Variants in CAPN2 observed in about 807,000 individuals in gnomAD.
CAPN2 encodes the protein calpain-2 catalytic subunit.
A neutral mutation model predicts 102.3 loss-of-function variants in CAPN2; 92 were observed. That is an observed-to-expected ratio of 0.90 (90% CI 0.76 to 1.07). CAPN2 has a LOEUF of 1.07. Among genes scored for constraint, CAPN2 ranks in the 50% least tolerant of loss-of-function variants. The pLI is 0.00. For synonymous variants in CAPN2, 340 were observed against 355.4 expected, an observed-to-expected ratio of 0.96 and a Z score of 0.49; for missense variants, 800 against 909.4, an observed-to-expected ratio of 0.88 and a Z score of 1.55.
chr1:223,709,429 G>A (rs1167146142), upstream of CAPN2, among the ~76,000 whole-genome samples: 1 of 152,180 alleles, frequency 6.6e-6, no homozygotes, highest in Non-Finnish European at 1.5e-5. Context: ...GGGAGGCAGA[G>A]GTGGGCAGAT....
intron 3 of CAPN2, 140 bp downstream of exon 3, chr1:223,744,358 G>A (rs550470355): frequency 8.7e-5 from 56 of 643,298 alleles, no homozygotes; most frequent in Middle Eastern, 4.2e-4. Context: ...CATTGGGCGA[G>A]AGCAGGAAGC....
chr1:223,722,144 G>A (rs1660065104), intron 2 of CAPN2, among the ~76,000 whole-genome samples: 3 of 152,092 alleles, frequency 2.0e-5, no homozygotes, highest in African/African-American at 7.2e-5. Flanking sequence ...CACACAGATT[G>A]AAACTCAGAA....
At chr1:223,762,818 C>A (rs7552702) in intron 14 of CAPN2, among the ~76,000 whole-genome samples, 1 of 152,054 alleles carries the variant, frequency 6.6e-6, no homozygotes, top group East Asian at 1.9e-4. Flanking sequence ...GTAGCTGGGA[C>A]TATAGGTGCA....
chr1:223,715,298 T>TA (rs1343201728), intron 1 of CAPN2, among the ~76,000 whole-genome samples: 1 of 152,116 alleles, frequency 6.6e-6, no homozygotes, highest in Admixed American at 6.5e-5. Context: ...ATGATCAACT[T>TA]ATTTAAGAAG....
At chr1:223,737,709 G>GT (rs1350800322) in intron 2 of CAPN2, among the ~76,000 whole-genome samples, 2 of 30,568 alleles carry the variant, frequency 6.5e-5, no homozygotes, top group Non-Finnish European at 2.0e-4. Context: ...AGACGGGGCG[G>GT]GGGGTGGGGG....
chr1:223,760,627 TAGG>T (rs1661160460), intron 12 of CAPN2, among the ~76,000 whole-genome samples: 1 of 151,986 alleles, frequency 6.6e-6, no homozygotes, highest in African/African-American at 2.4e-5. Flanking sequence ...GACAAGAAAA[TAGG>T]AGCATGACCT....
chr1:223,776,009 T>A lies in CAPN2; in HGVS notation c.*1152T>A, dbSNP rs999020463. 5 of 152,202 alleles carry A rather than the reference T, an allele frequency of 3.3e-5. No homozygotes were observed. Among genetic ancestry groups the A allele is most frequent in the African/African-American group, 7.2e-5 (3 of 41,442 alleles). The allele number at this position is 152,202 out of a possible 1,614,324, so 9.4% of individuals were successfully genotyped here. On this transcript the variant is annotated 3_prime_UTR_variant, in exon 21 of 21. Coordinates refer to ENST00000295006, the MANE Select transcript of CAPN2 (RefSeq NM_001748.5). This position sits in a 1 kb window ranked among gnomAD's most constrained non-coding sequence, Gnocchi z 4.0. ...TAAAATGTGGAACTATAAAATTTTT[T>A]AAAATCCAATTCAGAAACTTTGATA...
rs551003565 is a variant in CAPN2 at position 223,737,082 on chromosome 1, A to C, written c.308-7018A>C. On this transcript the variant is annotated intron_variant, in intron 2 of 20. Coordinates refer to ENST00000295006, the MANE Select transcript of CAPN2 (RefSeq NM_001748.5). ...GAATAAAGAAATTAAGACCAGATGT[A>C]GGGGAGATTTGTGGAGGAAGGGACA... Among the ~76,000 whole-genome samples, 8 of 152,268 alleles carry C rather than the reference A, an allele frequency of 5.3e-5. No individual in the cohort carries two copies. The South Asian group carries it at 1.7e-3, about 32-fold the overall frequency.
Position 223,764,156 on chromosome 1 carries a change from G to C in CAPN2, c.1639G>C (p.Glu547Gln). 3.7e-6 allele frequency: 6 copies of C among 1,613,902 alleles called. No homozygotes were observed. The highest frequency in any genetic ancestry group is 5.1e-6 in the Non-Finnish European group (6 of 1,179,828). ...TCTGGTTATGTGTCCACAGGATGCG[G>C]AGATCTCTGCCTTTGAGCTGCAGAC... ...LFAQLAGEDA[E>Q]ISAFELQTIL... The change falls in exon 15 of 21, where the codon GAG (glutamate) becomes CAG (glutamine). Residue 547 changes from glutamate (E) to glutamine (Q), a missense_variant. Transcript: ENST00000295006.
chr1:223,718,177 A>G (rs1350393799), intron 2 of CAPN2, among the ~76,000 whole-genome samples: 1 of 152,252 alleles, frequency 6.6e-6, no homozygotes, highest in Non-Finnish European at 1.5e-5. Context: ...CACTCTGGGC[A>G]GAGGACTAGG....
intron 1 of CAPN2, among the ~76,000 whole-genome samples, chr1:223,714,388 G>A (rs1402125243): frequency 6.6e-6 from 1 of 152,086 alleles, no homozygotes; most frequent in African/African-American, 2.4e-5. Flanking sequence ...ACTGTCCTGA[G>A]AGCTCAGGAG....
chr1:223,746,168 AGGAGGAG>A (rs1011330772), intron 4 of CAPN2, among the ~76,000 whole-genome samples: 1 of 152,194 alleles, frequency 6.6e-6, no homozygotes, highest in African/African-American at 2.4e-5. Context: ...CAATCCAGGA[AGGAGGAG>A]TCAGCTGTGA....
intron 1 of CAPN2, among the ~76,000 whole-genome samples, chr1:223,714,731 C>T (rs1226379219): frequency 1.3e-5 from 2 of 151,392 alleles, no homozygotes; most frequent in Non-Finnish European, 2.9e-5. Flanking sequence ...TTCACTTATT[C>T]TTTCATTCAT....
intron 12 of CAPN2, among the ~76,000 whole-genome samples, 161 bp from the exon 13 acceptor site, chr1:223,761,420 T>C (rs1388059192): frequency 6.6e-6 from 1 of 152,156 alleles, no homozygotes; most frequent in Non-Finnish European, 1.5e-5. Context: ...GGAGGTGTTA[T>C]CACAGAAACT....
intron 2 of CAPN2, among the ~76,000 whole-genome samples, chr1:223,718,293 C>T (rs191699990): frequency 2.1e-4 from 32 of 152,346 alleles, no homozygotes; most frequent in Non-Finnish European, 3.5e-4. Flanking sequence ...CTCTAATGCT[C>T]GCTGCTGAAG....
At chr1:223,730,841 G>A (rs967125404) in intron 2 of CAPN2, among the ~76,000 whole-genome samples, 1 of 152,206 alleles carries the variant, frequency 6.6e-6, no homozygotes, top group South Asian at 2.1e-4. Context: ...TTTACAGTAG[G>A]CTGAGGTGTA....
rs1244015512 is a variant in CAPN2, at chr1:223,731,876, G to A, written c.308-12224G>A. 6.6e-6 allele frequency among the ~76,000 whole-genome samples: 1 copy of A among 152,196 alleles called. No homozygotes were observed. The highest frequency in any genetic ancestry group is 6.5e-5 in the Admixed American group (1 of 15,286). On this transcript the variant is annotated intron_variant, in intron 2 of 20. Coordinates refer to ENST00000295006, the MANE Select transcript of CAPN2 (RefSeq NM_001748.5). The surrounding 1 kb of genome is among the most constrained non-coding windows in gnomAD (Gnocchi z 4.2). ...TCCAAGATGAGCTCCCTTGGCCAGTGTGTGAAACGTGTGTGTGAGTGTGTC... is the reference window on the plus strand; with the variant it reads ...TCCAAGATGAGCTCCCTTGGCCAGTATGTGAAACGTGTGTGTGAGTGTGTC...
chr1:223,717,733 T>C, intron 1 of CAPN2, 29 bp from the exon 2 acceptor site: 1 of 1,603,628 alleles, frequency 6.2e-7, no homozygotes, highest in Non-Finnish European at 8.5e-7. Context: ...GCTGGTAGGC[T>C]AACAGCACTT....
At chr1:223,718,751 A>C (rs1048784090) in intron 2 of CAPN2, among the ~76,000 whole-genome samples, 1 of 152,182 alleles carries the variant, frequency 6.6e-6, no homozygotes, top group Non-Finnish European at 1.5e-5. Flanking sequence ...GTCCTCACCC[A>C]CCTAGCAGAG....
Sources: gnomAD v4.1 joint callset for allele counts (sites outside exome capture counted in the v4.1 genomes callset) on GRCh38, gnomAD v4.1.1 for gene constraint, Gnocchi (gnomAD v3.1) non-coding constraint, MANE v1.5 for transcripts, NCBI Gene and HGNC (gene_info 2026-07-23, HGNC 2026-07-21) for gene names.